The following MYO16 variants were observed in gnomAD, a reference collection of about 807,000 sequenced individuals.
MYO16 encodes the protein myosin XVI.
Under a neutral mutation model 205.3 loss-of-function variants are expected in MYO16, and 94 were observed. The observed-to-expected ratio is 0.46, with a 90% CI of 0.39 to 0.54. MYO16 has a LOEUF of 0.54. Ranked by LOEUF, MYO16 falls within the 20% of genes least tolerant of loss-of-function variation. MYO16 has a pLI of 0.00. For synonymous variants in MYO16, 988 were observed against 954.0 expected (o/e 1.04, Z -0.66); for missense variants, 2,315 against 2,387.5 (o/e 0.97, Z 0.63).
chr13:108,793,664 A>C (rs1338968078), intron 6 of MYO16, 24 bp downstream of exon 6: 1 of 1,598,500 alleles, frequency 6.3e-7, no homozygotes, highest in African/African-American at 1.3e-5. Flanking sequence ...TTTGACTCAG[A>C]AACTATTTGA....
intron 15 of MYO16, 103 bp from the exon 16 acceptor site, chr13:108,909,900 C>G: frequency 8.2e-7 from 1 of 1,216,590 alleles, no homozygotes; most frequent in Admixed American, 2.2e-5. Flanking sequence ...AAAGGGAGAA[C>G]TCAACAGTCC....
chr13:109,021,382 C>G (rs1461026582), intron 23 of MYO16, among the ~76,000 whole-genome samples: 1 of 152,126 alleles, frequency 6.6e-6, no homozygotes, highest in East Asian at 1.9e-4. Flanking sequence ...GTGTGCAAAC[C>G]CTAGCACTCA....
At chr13:108,861,999 T>C (rs1878469977) in intron 11 of MYO16, among the ~76,000 whole-genome samples, 2 of 152,332 alleles carry the variant, frequency 1.3e-5, no homozygotes, top group Admixed American at 1.3e-4. Context: ...TTGGCATTAG[T>C]TATGAAAATG....
intron 1 of MYO16, among the ~76,000 whole-genome samples, chr13:108,611,666 T>G (rs1253376267): frequency 6.6e-6 from 1 of 152,174 alleles, no homozygotes; most frequent in East Asian, 1.9e-4. Context: ...ATATTCCATT[T>G]GAACTTCTGC....
intron 34 of MYO16, among the ~76,000 whole-genome samples, chr13:109,197,469 G>A (rs1880208603): frequency 6.6e-6 from 1 of 151,950 alleles, no homozygotes; most frequent in African/African-American, 2.4e-5. Context: ...TCTCAAACGT[G>A]GGCCATGCAT....
chr13:108,821,554 T>G (rs2139017968), intron 8 of MYO16, among the ~76,000 whole-genome samples: 1 of 152,336 alleles, frequency 6.6e-6, no homozygotes, highest in African/African-American at 2.4e-5. Context: ...CATCCTCGGC[T>G]AACTCTAGTC....
At chr13:108,937,070 G>GCTTT (rs574751854) in intron 16 of MYO16, among the ~76,000 whole-genome samples, 121 of 152,262 alleles carry the variant, frequency 7.9e-4, no homozygotes, top group African/African-American at 2.9e-3. Context: ...ATGCTTGCTT[G>GCTTT]CCTGGAAAAT....
At chr13:108,960,355 G>A (rs959077089) in intron 17 of MYO16, among the ~76,000 whole-genome samples, 2 of 151,454 alleles carry the variant, frequency 1.3e-5, no homozygotes, top group African/African-American at 4.9e-5. Flanking sequence ...ATTTTATACA[G>A]CATAAGTAAA....
chr13:109,080,056 A>G (rs1260147401), intron 27 of MYO16, among the ~76,000 whole-genome samples: 3 of 148,236 alleles, frequency 2.0e-5, no homozygotes, highest in Non-Finnish European at 3.0e-5. Flanking sequence ...TTGTGTTTTT[A>G]GTAGAGATGG....
At chr13:108,829,295 T>C (rs1445541234) in intron 9 of MYO16, among the ~76,000 whole-genome samples, 2 of 152,194 alleles carry the variant, frequency 1.3e-5, no homozygotes, top group African/African-American at 4.8e-5. Context: ...ATCTGCCTCA[T>C]TGTAAGTACT....
intron 23 of MYO16, among the ~76,000 whole-genome samples, chr13:109,028,132 A>AT (rs1288418702): frequency 6.6e-6 from 1 of 152,026 alleles, no homozygotes; most frequent in African/African-American, 2.4e-5. Context: ...AACCACTCCC[A>AT]TTATATTACA....
intron 22 of MYO16, among the ~76,000 whole-genome samples, chr13:109,013,088 A>G (rs1034164772): frequency 1.2e-4 from 15 of 129,612 alleles, no homozygotes; most frequent in Non-Finnish European, 1.9e-4. Context: ...TACATTAGGT[A>G]TTTCTCCTAA....
chr13:108,592,726 G>A (rs1315204789), upstream of MYO16, among the ~76,000 whole-genome samples: 5 of 112,712 alleles, frequency 4.4e-5, no homozygotes, highest in African/African-American at 1.5e-4. Flanking sequence ...GTGTGAGGGT[G>A]GCTGTGTGTG....
chr13:109,171,124 C>T (rs534273711), intron 33 of MYO16, among the ~76,000 whole-genome samples: 1 of 152,312 alleles, frequency 6.6e-6, no homozygotes, highest in South Asian at 2.1e-4. Context: ...ACCCTTTATA[C>T]TTAGGCCCTG....
At chr13:108,498,904 A>G in the MYO16 span, among the ~76,000 whole-genome samples, 1 of 152,302 alleles carries the variant, frequency 6.6e-6, no homozygotes, top group East Asian at 1.9e-4. Flanking sequence ...CCAATTTCCT[A>G]TGACTGAATT....
intron 14 of MYO16, among the ~76,000 whole-genome samples, chr13:108,890,914 T>C (rs941599935): frequency 4.6e-5 from 7 of 152,212 alleles, no homozygotes; most frequent in Non-Finnish European, 7.3e-5. Flanking sequence ...CCTTTGAGCA[T>C]GTATCTCTCT....
intron 3 of MYO16, among the ~76,000 whole-genome samples, chr13:108,717,164 C>T (rs1001845442): frequency 1.2e-4 from 18 of 152,086 alleles, no homozygotes; most frequent in Non-Finnish European, 2.4e-4. Context: ...TACCTTTATT[C>T]GATGAGCAAT....
At chr13:109,045,134 C>T (rs1002134804) in intron 23 of MYO16, among the ~76,000 whole-genome samples, 2 of 152,186 alleles carry the variant, frequency 1.3e-5, no homozygotes, top group African/African-American at 4.8e-5. Context: ...TTGACTTCTC[C>T]ATGGTTTTGC....
At chr13:109,193,102 ACTCT>A (rs138042061) in intron 34 of MYO16, among the ~76,000 whole-genome samples, 204 of 149,752 alleles carry the variant, frequency 1.4e-3, no homozygotes, top group African/African-American at 4.6e-3. Context: ...CTTCATACAT[ACTCT>A]CTCTCTCTCT....
Sources: gnomAD v4.1 joint callset for allele counts (sites outside exome capture counted in the v4.1 genomes callset) on GRCh38, gnomAD v4.1.1 for gene constraint, MANE v1.5 for transcripts, NCBI Gene and HGNC (gene_info 2026-07-23, HGNC 2026-07-21) for gene names.